Variants in SF3B3 observed in about 807,000 individuals in gnomAD.
The protein encoded by SF3B3 is SAP 130.
SF3B3 carries 33 observed loss-of-function variants against 139.2 expected under a neutral mutation model. The observed-to-expected ratio is 0.24, with a 90% CI of 0.18 to 0.32. SF3B3 has a LOEUF of 0.32. Among genes scored for constraint, SF3B3 ranks in the 10% least tolerant of loss-of-function variants. The pLI is 1.00. For missense variants in SF3B3, 818 were observed against 1,509.4 expected (o/e 0.54, Z 7.59); for synonymous variants, 596 against 563.6 (o/e 1.06, Z -0.81).
chr16:70,536,681 C>CGGGGTTT lies in SF3B3; in HGVS notation c.825+1263_825+1269dup, dbSNP rs2050171392. Among the ~76,000 whole-genome samples the CGGGGTTT allele has an allele frequency of 2.0e-5, 3 of 151,578 alleles. No homozygotes were observed. The South Asian group carries it at 6.3e-4, about 32-fold the overall frequency. ...GCCTTTTTTGTATTTTTAATAGAGA[C>CGGGGTTT]GGGGTTTGCCATGTTGGCCATTCTC... On this transcript the variant is annotated intron_variant, in intron 6 of 25. Coordinates refer to ENST00000302516, the MANE Select transcript of SF3B3 (RefSeq NM_012426.5).
intron 4 of SF3B3, 33 bp from the exon 5 acceptor site, chr16:70,532,446 G>T (rs764101681): frequency 1.2e-6 from 2 of 1,606,852 alleles, no homozygotes; most frequent in Non-Finnish European, 1.7e-6. Flanking sequence ...ATTTTATGCT[G>T]ATGATTAGTT....
intron 9 of SF3B3, among the ~76,000 whole-genome samples, chr16:70,542,966 G>A (rs945499548): frequency 2.6e-5 from 4 of 152,000 alleles, no homozygotes; most frequent in East Asian, 1.9e-4. Flanking sequence ...CTCGTGATCC[G>A]CCTGCCTTGG....
intron 4 of SF3B3, among the ~76,000 whole-genome samples, chr16:70,531,952 G>A (rs1333127738): frequency 2.6e-5 from 4 of 152,216 alleles, no homozygotes; most frequent in Non-Finnish European, 4.4e-5. Context: ...TATAGTCCTA[G>A]CTGCTTGGGA....
intron 12 of SF3B3, among the ~76,000 whole-genome samples, chr16:70,554,816 A>G (rs748376406): frequency 3.9e-5 from 6 of 152,246 alleles, no homozygotes; most frequent in Admixed American, 6.5e-5. Context: ...AAAGATCTTT[A>G]TAAGTGTTTT....
intron 11 of SF3B3, among the ~76,000 whole-genome samples, chr16:70,549,159 C>T (rs2050297609): frequency 6.6e-6 from 1 of 152,154 alleles, no homozygotes; most frequent in East Asian, 1.9e-4. Flanking sequence ...CTTGTTCTCT[C>T]AGGAATGTGG....
intron 23 of SF3B3, chr16:70,569,768 T>A (rs2050510643): frequency 1.7e-5 from 8 of 484,368 alleles, no homozygotes; most frequent in Non-Finnish European, 3.0e-5. Context: ...TAGCTGAGAC[T>A]ATAGTACATG....
At chr16:70,568,617 A>C in intron 22 of SF3B3, 122 bp downstream of exon 22, 1 of 721,848 alleles carries the variant, frequency 1.4e-6, no homozygotes, top group Non-Finnish European at 2.3e-6. Context: ...ATTCCATCCT[A>C]CTAAAGCTAA....
In SF3B3 at chr16:70,571,658, T is replaced by G. The variant is rs542917760; in HGVS notation, c.3514-15T>G. 18 of 1,598,546 alleles carry G rather than the reference T, an allele frequency of 1.1e-5. No homozygotes were observed. The highest frequency in any genetic ancestry group is 2.2e-5 in the South Asian group (2 of 89,480). ...TCTCACCATTTTTTTTCTTTCTGCT[T>G]TCTCCATATCTTAGAATGTGATTGA... On this transcript the variant is annotated splice_polypyrimidine_tract_variant and intron_variant, in intron 25 of 25. Coordinates refer to ENST00000302516, the MANE Select transcript of SF3B3 (RefSeq NM_012426.5).
chr16:70,534,102 A>G (rs571398137), intron 5 of SF3B3, among the ~76,000 whole-genome samples: 2 of 152,208 alleles, frequency 1.3e-5, no homozygotes, highest in Non-Finnish European at 2.9e-5. Flanking sequence ...TTCCCTAAAC[A>G]GGGAAAGGAA....
chr16:70,562,403 A>T (rs2050437345), intron 17 of SF3B3, among the ~76,000 whole-genome samples: 2 of 152,214 alleles, frequency 1.3e-5, no homozygotes. Flanking sequence ...TTGATAGATT[A>T]ATCACTATTG....
chr16:70,525,826 TGGCG>T (rs1431673876), intron 1 of SF3B3, among the ~76,000 whole-genome samples: 3 of 151,632 alleles, frequency 2.0e-5, no homozygotes, highest in African/African-American at 7.3e-5. Flanking sequence ...CCGGGTGTGG[TGGCG>T]GGCGCCTGTT....
intron 10 of SF3B3, among the ~76,000 whole-genome samples, chr16:70,547,613 A>G (rs905130600): frequency 6.6e-6 from 1 of 152,050 alleles, no homozygotes; most frequent in African/African-American, 2.4e-5. Flanking sequence ...TTTTTTTTGG[A>G]GACGGAGTCT....
At chr16:70,571,269 G>A in intron 25 of SF3B3, 70 bp downstream of exon 25, 2 of 1,164,448 alleles carry the variant, frequency 1.7e-6, no homozygotes, top group Non-Finnish European at 2.6e-6. Context: ...GGATTGATGG[G>A]AATAGTACCA....
At chr16:70,532,771 G>A (rs2050133702) in intron 5 of SF3B3, 151 bp downstream of exon 5, 1 of 746,280 alleles carries the variant, frequency 1.3e-6, no homozygotes, top group Non-Finnish European at 2.2e-6. Flanking sequence ...TTCATGTGGT[G>A]GAGTGATTTT....
intron 9 of SF3B3, among the ~76,000 whole-genome samples, chr16:70,542,555 T>G (rs533928069): frequency 6.6e-6 from 1 of 152,246 alleles, no homozygotes; most frequent in African/African-American, 2.4e-5. Flanking sequence ...TGATCACACT[T>G]CTGATGGGAG....
Position 70,544,420 on chromosome 16 carries a change from A to G in SF3B3, c.1234-18A>G. On this transcript the variant is annotated intron_variant, in intron 9 of 25. Coordinates refer to ENST00000302516, the MANE Select transcript of SF3B3 (RefSeq NM_012426.5). The stretch of plus-strand genomic sequence containing the variant: ...CAGCACTGGAGACATTTTTTCCTCT[A>G]ACTTTTTCTCTGTGCAGATAGCTGA... 1 of 1,535,088 alleles carries G rather than the reference A, an allele frequency of 6.5e-7. No individual in the cohort carries two copies. Among genetic ancestry groups the G allele is most frequent in the Non-Finnish European group, 9.0e-7 (1 of 1,112,706 alleles).
rs577536270 is a variant in SF3B3, at chr16:70,528,721, G to A, written c.71-152G>A. The A allele has an allele frequency of 1.6e-4, 95 of 601,482 alleles. 1 individual carries two copies. The East Asian group carries it at 2.5e-3, about 16-fold the overall frequency. The allele number at this position is 601,482 out of a possible 1,614,324, so 37.3% of individuals were successfully genotyped here. ...CAACCTCTACCTCCTGGGTTCAAGC[G>A]ATTCTCCTGCCTTAGCCTCCCGAGT... On this transcript the variant is annotated intron_variant, in intron 2 of 25. Coordinates refer to ENST00000302516, the MANE Select transcript of SF3B3 (RefSeq NM_012426.5).
chr16:70,541,934 G>C, intron 9 of SF3B3, 100 bp downstream of exon 9: 2 of 1,062,774 alleles, frequency 1.9e-6, no homozygotes, highest in Non-Finnish European at 2.7e-6. Context: ...ACTCGCCAGT[G>C]TGTAAAGCAG....
At position 70,555,188 on chromosome 16, in the gene SF3B3, C is replaced by T. The variant is rs1362609685; in HGVS notation, c.1692C>T (p.Val564=). 1 of 1,613,888 alleles carries T rather than the reference C, an allele frequency of 6.2e-7. No homozygotes were observed. The highest frequency in any genetic ancestry group is 1.1e-5 in the South Asian group (1 of 91,070). The part of the protein sequence containing the change: ...VVIALTGGEL[V]YFEMDPSGQL... ...TTGCCCTGACAGGAGGAGAGCTGGT[C>T]TATTTCGAGATGGATCCTGTATGTT... Residue 564 remains valine, a synonymous_variant, in exon 13 of 26, where the codon GTC becomes GTT. Coordinates refer to ENST00000302516, the MANE Select transcript of SF3B3 (RefSeq NM_012426.5).
Sources: gnomAD v4.1 joint callset for allele counts (sites outside exome capture counted in the v4.1 genomes callset) on GRCh38, gnomAD v4.1.1 for gene constraint, MANE v1.5 for transcripts, NCBI Gene and HGNC (gene_info 2026-07-23, HGNC 2026-07-21) for gene names.